Variants in CEMIP observed in about 807,000 individuals in gnomAD.
The protein encoded by CEMIP is cell migration inducing hyaluronidase 1, also known as cell migration-inducing and hyaluronan-binding protein.
In CEMIP, 105 loss-of-function variants were observed where a neutral mutation model predicts 156.9. That is an observed-to-expected ratio of 0.67 (90% CI 0.57 to 0.79). The LOEUF (loss-of-function observed/expected upper bound fraction) is 0.79. Among genes scored for constraint, CEMIP ranks in the 30% least tolerant of loss-of-function variants. CEMIP has a pLI of 0.00. For missense variants in CEMIP, 1,457 were observed against 1,769.4 expected, an observed-to-expected ratio of 0.82 and a Z score of 3.17; for synonymous variants, 676 against 668.4, an observed-to-expected ratio of 1.01 and a Z score of -0.17.
chr15:80,827,030 C>T (rs1157799028), intron 1 of CEMIP, among the ~76,000 whole-genome samples: 1 of 152,198 alleles, frequency 6.6e-6, no homozygotes, highest in Non-Finnish European at 1.5e-5. Context: ...TGGGTTTACT[C>T]TTTCTAAGGT....
In CEMIP at chr15:80,944,586, G is replaced by A. The variant is rs117888571; in HGVS notation, c.3857+1484G>A. Among the ~76,000 whole-genome samples, 696 of 152,266 alleles carry A rather than the reference G, an allele frequency of 4.6e-3. 2 individuals are homozygous for A. Among genetic ancestry groups the A allele is most frequent in the Non-Finnish European group, 7.8e-3 (534 of 68,032 alleles). On this transcript the variant is annotated intron_variant, in intron 28 of 29. Transcript: ENST00000394685. ...CAGATGCTGACTCCATGAGGGGCAC[G>A]ACGTGAACTGGGCACCTGGCGAGAT...
In CEMIP at chr15:80,849,166, G is replaced by A. The variant is rs554947207; in HGVS notation, c.-175-24372G>A. Among the ~76,000 whole-genome samples the A allele has an allele frequency of 2.6e-5, 4 of 151,322 alleles. No individual in the cohort carries two copies. In the East Asian group the frequency reaches 5.8e-4, roughly 22 times the overall value. On this transcript the variant is annotated intron_variant, in intron 1 of 29. Coordinates refer to ENST00000394685, the MANE Select transcript of CEMIP (RefSeq NM_001293298.2). ...ATCACCACAGCTGGCTATTTTTTTT[G>A]TAGAGATGGGGTTTCACTATGTTGG...
intron 1 of CEMIP, among the ~76,000 whole-genome samples, chr15:80,866,116 T>C (rs1016542088): frequency 3.3e-5 from 5 of 152,198 alleles, no homozygotes; most frequent in Admixed American, 6.5e-5. Context: ...TGAGGAGGGA[T>C]TTGGACTTGA....
chr15:80,881,970 C>T (rs906051696), intron 6 of CEMIP, among the ~76,000 whole-genome samples: 4 of 152,246 alleles, frequency 2.6e-5, no homozygotes, highest in African/African-American at 9.6e-5. Context: ...CTGGACCTGC[C>T]CTGCAGTCCC....
Position 80,948,923 on chromosome 15 carries a change from G to A in CEMIP, c.4085G>A (p.Ter1362=), listed in dbSNP as rs1427075548. 6.2e-6 allele frequency: 10 copies of A among 1,614,130 alleles called. No individual in the cohort carries two copies. Among genetic ancestry groups the A allele is most frequent in the African/African-American group, 2.7e-5 (2 of 74,954 alleles). ...CCTGTGGTGAAGAAGAAGAAGTTGT[G>A]AGGACAGCTGCCGCCCGGTGCCACC... The part of the protein sequence containing the change: ...PIPVVKKKKL[*] Residue 1362 remains the stop codon, a stop_retained_variant, in exon 30 of 30, where the codon TGA becomes TAA. Transcript: ENST00000394685.
At chr15:80,846,884 C>T (rs573539282) in intron 1 of CEMIP, among the ~76,000 whole-genome samples, 1 of 152,324 alleles carries the variant, frequency 6.6e-6, no homozygotes, top group African/African-American at 2.4e-5. Context: ...CAGTGGTTTC[C>T]ATTTCCTGGC....
intron 6 of CEMIP, 76 bp from the exon 7 acceptor site, chr15:80,884,099 C>T: frequency 7.1e-7 from 1 of 1,412,590 alleles, no homozygotes; most frequent in Non-Finnish European, 1.0e-6. Context: ...GCTGTCGCAG[C>T]ACAGGCATGT....
chr15:80,795,573 T>C (rs531736755), intron 1 of CEMIP, among the ~76,000 whole-genome samples: 1 of 152,220 alleles, frequency 6.6e-6, no homozygotes, highest in Non-Finnish European at 1.5e-5. Flanking sequence ...GGCTGGAGAT[T>C]ATACTCCAGG....
At chr15:80,836,679 C>T (rs1384196976) in intron 1 of CEMIP, among the ~76,000 whole-genome samples, 1 of 151,864 alleles carries the variant, frequency 6.6e-6, no homozygotes, top group African/African-American at 2.4e-5. Flanking sequence ...GGGTTTTCTG[C>T]CAGCCTTACC....
chr15:80,948,916 A>C lies in CEMIP; in HGVS notation c.4078A>C (p.Lys1360Gln). 6.2e-7 allele frequency: 1 copy of C among 1,611,204 alleles called. No individual in the cohort carries two copies. The highest frequency in any genetic ancestry group is 8.5e-7 in the Non-Finnish European group (1 of 1,177,236). ...VVPIPVVKKK[K>Q]L is the part of the protein sequence containing the mutation. ...GCCCATCCCTGTGGTGAAGAAGAAG[A>C]AGTTGTGAGGACAGCTGCCGCCCGG... The change falls in exon 30 of 30, where the codon AAG becomes CAG. Residue 1360 changes from lysine to glutamine, a missense_variant. Lys to Gln is a moderately conservative substitution (Grantham distance 53). This residue lies in a region of CEMIP where 798 missense variants were observed against 980.1 expected (regional missense o/e 0.81). Coordinates refer to ENST00000394685, the MANE Select transcript of CEMIP (RefSeq NM_001293298.2).
At position 80,806,556 on chromosome 15, in the gene CEMIP, A is replaced by T. The variant is rs80004408; in HGVS notation, c.-176+26942A>T. On this transcript the variant is annotated intron_variant, in intron 1 of 29. Coordinates refer to ENST00000394685, the MANE Select transcript of CEMIP (RefSeq NM_001293298.2). ...CCATTTGATCATTTATTCACTAAAT[A>T]TGTGTGAAATCCCACCTGTTTTACA... is the stretch of plus-strand genomic sequence containing the variant. 2.5e-3 allele frequency among the ~76,000 whole-genome samples: 377 copies of T among 152,350 alleles called. 3 individuals carry two copies. The highest frequency in any genetic ancestry group is 8.6e-3 in the African/African-American group (359 of 41,582).
intron 1 of CEMIP, among the ~76,000 whole-genome samples, chr15:80,798,619 A>G (rs1260429784): frequency 6.6e-6 from 1 of 152,180 alleles, no homozygotes; most frequent in Non-Finnish European, 1.5e-5. Flanking sequence ...AGAGGTTGAA[A>G]GCCATCCTAT....
At position 80,873,905 on chromosome 15, in the gene CEMIP, T is replaced by C. The variant is rs928336161; in HGVS notation, c.26T>C (p.Phe9Ser). 4 of 1,581,304 alleles carry C rather than the reference T, an allele frequency of 2.5e-6. No homozygotes were observed. The highest frequency in any genetic ancestry group is 3.4e-6 in the Non-Finnish European group (4 of 1,161,992). The change falls in exon 3 of 30, where the codon TTC (phenylalanine) becomes TCC (serine). Residue 9 changes from phenylalanine (F) to serine (S), a missense_variant. Phe to Ser is a radical substitution (Grantham distance 155). Around this residue, in one of 5 missense-constraint regions of CEMIP, gnomAD observed 309 missense variants for 340.8 expected, o/e 0.91. Coordinates refer to ENST00000394685, the MANE Select transcript of CEMIP (RefSeq NM_001293298.2). MGAAGRQD[F>S]LFKAMLTISW... ...ATGGGAGCTGCTGGGAGGCAGGACT[T>C]CCTCTTCAAGGCCATGCTGACCATC...
intron 1 of CEMIP, among the ~76,000 whole-genome samples, chr15:80,838,157 G>A (rs1007108970): frequency 7.9e-5 from 12 of 152,312 alleles, no homozygotes; most frequent in Admixed American, 1.3e-4. Context: ...GAGTAGGAGC[G>A]GAGATGACCC....
intron 1 of CEMIP, among the ~76,000 whole-genome samples, chr15:80,863,140 T>C (rs1898029108): frequency 6.6e-6 from 1 of 152,192 alleles, no homozygotes; most frequent in Non-Finnish European, 1.5e-5. Context: ...AAACAAGCTT[T>C]AACAGGGAAA....
At chr15:80,822,654 G>A (rs1896938604) in intron 1 of CEMIP, among the ~76,000 whole-genome samples, 1 of 152,186 alleles carries the variant, frequency 6.6e-6, no homozygotes, top group African/African-American at 2.4e-5. Flanking sequence ...TGAAAACAGT[G>A]GCTTGCCCAG....
chr15:80,894,099 C>T (rs1429400777), intron 10 of CEMIP, among the ~76,000 whole-genome samples: 1 of 152,192 alleles, frequency 6.6e-6, no homozygotes. Context: ...TCCACTGAGA[C>T]CTCACTCTGT....
At chr15:80,792,590 C>G (rs917693683) in intron 1 of CEMIP, among the ~76,000 whole-genome samples, 2 of 152,194 alleles carry the variant, frequency 1.3e-5, no homozygotes, top group Non-Finnish European at 1.5e-5. Flanking sequence ...CTTGTACATA[C>G]TAGGTATACA....
intron 1 of CEMIP, among the ~76,000 whole-genome samples, chr15:80,829,032 T>C (rs1326693178): frequency 6.6e-6 from 1 of 152,222 alleles, no homozygotes; most frequent in East Asian, 1.9e-4. Context: ...TAGGAGCTCA[T>C]GCTGGGGACC....
Sources: gnomAD v4.1 joint callset for allele counts (sites outside exome capture counted in the v4.1 genomes callset) on GRCh38, gnomAD v4.1.1 for gene constraint, gnomAD v4.1.1 regional missense constraint, MANE v1.5 for transcripts, NCBI Gene and HGNC (gene_info 2026-07-23, HGNC 2026-07-21) for gene names.